ACSM1: variants seen among roughly 807,000 people sequenced by gnomAD.
ACSM1 encodes acyl-coenzyme A synthetase ACSM1, mitochondrial.
A neutral mutation model predicts 75.8 loss-of-function variants in ACSM1; 79 were observed. That is an observed-to-expected ratio of 1.04 (90% CI 0.87 to 1.26). ACSM1 has a LOEUF of 1.26. Ranked by LOEUF, ACSM1 falls within the 50% of genes most tolerant of loss-of-function variation. The probability of loss-of-function intolerance (pLI) is 0.00; values close to 1 mark genes in which losing one functional copy is unlikely to be tolerated. For missense variants in ACSM1, 676 were observed against 720.1 expected (o/e 0.94, Z 0.70); for synonymous variants, 279 against 265.8 (o/e 1.05, Z -0.48).
At chr16:20,691,751 A>ACGTG (rs1453597498) in intron 1 of ACSM1, among the ~76,000 whole-genome samples, 18 of 134,106 alleles carry the variant, frequency 1.3e-4, no homozygotes, top group Non-Finnish European at 1.9e-4. Context: ...TACCTCTCCA[A>ACGTG]TGTGTGTGTG....
intron 1 of ACSM1, among the ~76,000 whole-genome samples, chr16:20,694,930 C>T (rs1405783761): frequency 6.6e-6 from 1 of 152,086 alleles, no homozygotes; most frequent in Admixed American, 6.5e-5. Flanking sequence ...GGAAAAAGAC[C>T]TCAGAGAAAA....
chr16:20,627,467 T>C (rs932380682), intron 10 of ACSM1, 151 bp from the exon 11 acceptor site: 16 of 822,958 alleles, frequency 1.9e-5, no homozygotes, highest in African/African-American at 7.1e-5. Flanking sequence ...TTTCATTACA[T>C]GTAGCGCATG....
intron 7 of ACSM1, among the ~76,000 whole-genome samples, chr16:20,643,077 C>T (rs79497249): frequency 0.071 from 10,770 of 152,256 alleles, 563 homozygotes; most frequent in Admixed American, 0.11. Context: ...GAGCTAATGG[C>T]TTTCCTCTCT....
Position 20,635,580 on chromosome 16 carries a change from T to C in ACSM1, c.1299+1159A>G, listed in dbSNP as rs188534070. Among the ~76,000 whole-genome samples the C allele has an allele frequency of 3.2e-3, 397 of 124,594 alleles. 2 individuals are homozygous for C. The highest frequency in any genetic ancestry group is 4.4e-3 in the Non-Finnish European group (259 of 58,210). The allele number at this position is 124,594 out of a possible 152,430, so 81.7% of individuals were successfully genotyped here. On this transcript the variant is annotated intron_variant, in intron 10 of 13. Coordinates refer to ENST00000520010, the MANE Select transcript of ACSM1 (RefSeq NM_001318890.3). ...GTGTTACCCCATGTTTAATTTTTCT[T>C]TTTCTTTCTTTCTTTCTTTCTTTCT...
intron 7 of ACSM1, 88 bp downstream of exon 7, chr16:20,661,706 C>A: frequency 9.9e-7 from 1 of 1,013,998 alleles, no homozygotes; most frequent in Non-Finnish European, 1.5e-6. Flanking sequence ...ACACACTCCT[C>A]AAAGAACCAG....
intron 10 of ACSM1, among the ~76,000 whole-genome samples, chr16:20,631,985 A>G (rs1455686333): frequency 6.6e-6 from 1 of 152,180 alleles, no homozygotes; most frequent in East Asian, 1.9e-4. Flanking sequence ...GTACCCCCAA[A>G]ACTACTAAAA....
At chr16:20,670,720 T>C (rs1472093716) in intron 5 of ACSM1, among the ~76,000 whole-genome samples, 2 of 152,158 alleles carry the variant, frequency 1.3e-5, no homozygotes, top group African/African-American at 4.8e-5. Context: ...GAATACTACT[T>C]TTTATATCTT....
intron 4 of ACSM1, 74 bp downstream of exon 4, chr16:20,682,182 C>A (rs973040913): frequency 1.4e-6 from 2 of 1,460,392 alleles, no homozygotes; most frequent in African/African-American, 2.8e-5. Flanking sequence ...CTCAACCCCA[C>A]TGGTCTCTCT....
intron 1 of ACSM1, among the ~76,000 whole-genome samples, chr16:20,694,383 A>G (rs113298888): frequency 0.013 from 1,996 of 152,360 alleles, 29 homozygotes; most frequent in Non-Finnish European, 0.019. Context: ...TTAAATTTAC[A>G]TTCAAGTCCT....
chr16:20,623,377 T>C lies in ACSM1; in HGVS notation c.*109A>G. 1 of 924,884 alleles carries C rather than the reference T, an allele frequency of 1.1e-6. No homozygotes were observed. Among genetic ancestry groups the C allele is most frequent in the East Asian group, 2.5e-5 (1 of 40,694 alleles). The allele number at this position is 924,884 out of a possible 1,614,324, so 57.3% of individuals were successfully genotyped here. A position where few individuals can be genotyped will look rare whatever the true frequency, so the allele number is the denominator to read the frequency against. On this transcript the variant is annotated 3_prime_UTR_variant, in exon 14 of 14. Transcript: ENST00000520010. ...TGGAATCATGGCACTCCTGATACTT[T>C]CCCAAATCAACACTCTCAATGCCCC...
At position 20,623,380 on chromosome 16, in the gene ACSM1, C is replaced by G; in HGVS notation, c.*106G>C. Reference sequence around the variant, plus strand: ...AATCATGGCACTCCTGATACTTTCCCAAATCAACACTCTCAATGCCCCACC... The same window carrying G: ...AATCATGGCACTCCTGATACTTTCCGAAATCAACACTCTCAATGCCCCACC... On this transcript the variant is annotated 3_prime_UTR_variant, in exon 14 of 14. Transcript: ENST00000520010. The G allele has an allele frequency of 1.0e-6, 1 of 965,106 alleles. No individual in the cohort carries two copies. Among genetic ancestry groups the G allele is most frequent in the Non-Finnish European group, 1.6e-6 (1 of 623,706 alleles). The allele number at this position is 965,106 out of a possible 1,614,324, so 59.8% of individuals were successfully genotyped here. A position where few individuals can be genotyped will look rare whatever the true frequency, so the allele number is the denominator to read the frequency against.
chr16:20,675,499 G>C (rs2020220591), intron 4 of ACSM1, among the ~76,000 whole-genome samples: 1 of 152,160 alleles, frequency 6.6e-6, no homozygotes, highest in Non-Finnish European at 1.5e-5. Context: ...CAGTCTGGTG[G>C]ACCTTAGAGT....
intron 4 of ACSM1, among the ~76,000 whole-genome samples, chr16:20,678,355 A>G (rs2079356988): frequency 6.6e-6 from 1 of 152,202 alleles, no homozygotes. Context: ...GCCATGGCTC[A>G]CTGCTATTAC....
chr16:20,686,588 A>C (rs1257772974), intron 2 of ACSM1, among the ~76,000 whole-genome samples: 1 of 152,210 alleles, frequency 6.6e-6, no homozygotes, highest in Non-Finnish European at 1.5e-5. Context: ...ATATACCTAC[A>C]TAACAAACCT....
intron 11 of ACSM1, 105 bp from the exon 12 acceptor site, chr16:20,625,627 T>C: frequency 2.9e-6 from 3 of 1,027,222 alleles, no homozygotes; most frequent in South Asian, 3.1e-5. Flanking sequence ...AGGGTGGAGG[T>C]CATAGGAAGC....
intron 7 of ACSM1, among the ~76,000 whole-genome samples, chr16:20,658,698 G>A (rs187930588): frequency 2.6e-4 from 39 of 152,098 alleles, no homozygotes; most frequent in African/African-American, 6.5e-4. Context: ...GAATAGATTC[G>A]TCTATATTAA....
intron 10 of ACSM1, among the ~76,000 whole-genome samples, chr16:20,635,119 G>T (rs997996796): frequency 2.6e-5 from 4 of 152,160 alleles, no homozygotes; most frequent in African/African-American, 9.7e-5. Context: ...AATTAGCTGG[G>T]TGCAATAGCT....
intron 10 of ACSM1, among the ~76,000 whole-genome samples, chr16:20,635,640 C>CA (rs2017658204): frequency 2.6e-5 from 2 of 76,092 alleles, no homozygotes; most frequent in Admixed American, 1.3e-4. Context: ...TTCTTTCTTT[C>CA]TTTCTTTCTT....
chr16:20,665,889 T>C (rs932233681), intron 6 of ACSM1, among the ~76,000 whole-genome samples: 1 of 152,156 alleles, frequency 6.6e-6, no homozygotes, highest in Admixed American at 6.6e-5. Context: ...AAAAGCCATA[T>C]GATCCTCTTA....
Sources: allele counts gnomAD v4.1 joint callset (sites outside exome capture counted in the v4.1 genomes callset), GRCh38; gene constraint gnomAD v4.1.1; transcripts MANE v1.5; gene names NCBI Gene and HGNC (gene_info 2026-07-23, HGNC 2026-07-21).